The following DPP10 variants were observed in gnomAD, a reference collection of about 807,000 sequenced individuals.
DPP10 encodes inactive dipeptidyl peptidase 10.
Under a neutral mutation model 120.9 loss-of-function variants are expected in DPP10, and 33 were observed. The observed-to-expected ratio is 0.27, with a 90% confidence interval of 0.21 to 0.37. The LOEUF (loss-of-function observed/expected upper bound fraction) is 0.37, where lower values mean the gene tolerates loss of function less well. Among genes scored for constraint, DPP10 ranks in the 10% least tolerant of loss-of-function variants. DPP10 has a pLI of 1.00. For synonymous variants in DPP10, 337 were observed against 326.1 expected (o/e 1.03, Z -0.36); for missense variants, 816 against 942.8 (o/e 0.87, Z 1.76).
chr2:115,485,679 G>A (rs1376634599), intron 3 of DPP10, among the ~76,000 whole-genome samples: 1 of 152,026 alleles, frequency 6.6e-6, no homozygotes, highest in Non-Finnish European at 1.5e-5. Flanking sequence ...TAAAGGTAAA[G>A]TTATGTCATT....
At position 114,649,999 on chromosome 2, in the gene DPP10, A is replaced by G. The variant is rs75186213; in HGVS notation, c.60+207161A>G. 6.2e-3 allele frequency among the ~76,000 whole-genome samples: 939 copies of G among 152,162 alleles called. 6 individuals carry two copies. Among genetic ancestry groups the G allele is most frequent in the African/African-American group, 0.022 (902 of 41,486 alleles). ...TAACTAGGAGAACAAGTTTTGCCTT[A>G]TTGCACTATTTTTTCAAAATATTAT... On this transcript the variant is annotated intron_variant, in intron 1 of 25. Coordinates refer to ENST00000410059, the MANE Select transcript of DPP10 (RefSeq NM_020868.6).
intron 1 of DPP10, among the ~76,000 whole-genome samples, chr2:115,170,139 G>T (rs913516811): frequency 3.3e-5 from 5 of 152,126 alleles, no homozygotes; most frequent in African/African-American, 1.2e-4. Flanking sequence ...TGGAACATGG[G>T]TTTACTTTTG....
At chr2:115,449,879 A>C (rs2104955867) in intron 3 of DPP10, among the ~76,000 whole-genome samples, 1 of 152,156 alleles carries the variant, frequency 6.6e-6, no homozygotes, top group South Asian at 2.1e-4. Flanking sequence ...GTATAGTAAA[A>C]ATTGTGATTA....
intron 1 of DPP10, among the ~76,000 whole-genome samples, chr2:114,735,309 C>T (rs1263889767): frequency 6.6e-6 from 1 of 152,130 alleles, no homozygotes; most frequent in East Asian, 1.9e-4. Flanking sequence ...AGTCTGATAA[C>T]ATTTCCAAGC....
chr2:115,086,240 T>G (rs1157769402), intron 1 of DPP10, among the ~76,000 whole-genome samples: 1 of 152,196 alleles, frequency 6.6e-6, no homozygotes, highest in Non-Finnish European at 1.5e-5. Context: ...TGTCTCTAAC[T>G]GCAGCCACTA....
chr2:114,788,206 T>C (rs1682926410), intron 1 of DPP10, among the ~76,000 whole-genome samples: 1 of 152,180 alleles, frequency 6.6e-6, no homozygotes, highest in African/African-American at 2.4e-5. Context: ...TCATAGATAA[T>C]CAAATACTTG....
At chr2:115,527,528 G>A (rs1330672268) in intron 5 of DPP10, among the ~76,000 whole-genome samples, 1 of 152,132 alleles carries the variant, frequency 6.6e-6, no homozygotes, top group East Asian at 1.9e-4. Flanking sequence ...ATAAACTATT[G>A]TTCCATGATA....
intron 1 of DPP10, among the ~76,000 whole-genome samples, chr2:114,692,099 T>C (rs899277090): frequency 6.6e-6 from 1 of 152,096 alleles, no homozygotes; most frequent in African/African-American, 2.4e-5. Flanking sequence ...TCTGCTTTGA[T>C]CTTGGTTATT....
rs1200213767 is a variant in DPP10 at position 115,198,935 on chromosome 2, G to T, written c.61-110304G>T. On this transcript the variant is annotated intron_variant, in intron 1 of 25. Transcript: ENST00000410059. ...TCCTTACCTTTTCTTCTAATTCTTTGCCATGCTTGAAACATTAAATGGAAC... is the reference window on the plus strand; with the variant it reads ...TCCTTACCTTTTCTTCTAATTCTTTTCCATGCTTGAAACATTAAATGGAAC... Among the ~76,000 whole-genome samples the T allele has an allele frequency of 5.9e-5, 9 of 152,164 alleles. No homozygotes were observed. In the South Asian group the frequency reaches 8.3e-4, roughly 14 times the overall value.
intron 1 of DPP10, among the ~76,000 whole-genome samples, chr2:114,585,409 T>G (rs1280683521): frequency 2.0e-5 from 3 of 152,198 alleles, no homozygotes; most frequent in African/African-American, 2.4e-5. Flanking sequence ...GAAGGGCTCA[T>G]GTGATTAGTC....
chr2:114,900,138 A>G (rs1693427593), intron 1 of DPP10, among the ~76,000 whole-genome samples: 1 of 152,200 alleles, frequency 6.6e-6, no homozygotes, highest in African/African-American at 2.4e-5. Flanking sequence ...TGCCATTAAC[A>G]TTTTTGTGAT....
At chr2:115,560,566 C>G (rs780675340) in intron 5 of DPP10, among the ~76,000 whole-genome samples, 15 of 148,592 alleles carry the variant, frequency 1.0e-4, no homozygotes, top group South Asian at 4.3e-4. Context: ...CTATTCCCCC[C>G]ACCCCCGACC....
At chr2:115,634,332 C>A (rs904736777) in intron 5 of DPP10, among the ~76,000 whole-genome samples, 2 of 152,194 alleles carry the variant, frequency 1.3e-5, no homozygotes, top group African/African-American at 4.8e-5. Flanking sequence ...TTCTCATCTT[C>A]AGGAGTTTAT....
intron 1 of DPP10, among the ~76,000 whole-genome samples, chr2:114,500,430 A>G (rs1245726197): frequency 6.6e-6 from 1 of 152,210 alleles, no homozygotes; most frequent in East Asian, 1.9e-4. Context: ...ACTTAATTAT[A>G]TTAGGGTTAA....
chr2:115,815,739 A>G lies in DPP10; in HGVS notation c.1950+10A>G. The G allele has an allele frequency of 6.3e-7, 1 of 1,591,314 alleles. No individual in the cohort carries two copies. ...AAGCATTTTTGGAAAGGTAAATAGT[A>G]GAAATGCTGAATCTATCTTTTTATG... On this transcript the variant is annotated intron_variant, in intron 21 of 25. Transcript: ENST00000410059.
intron 3 of DPP10, among the ~76,000 whole-genome samples, chr2:115,425,191 A>G (rs1320741676): frequency 6.6e-6 from 1 of 152,182 alleles, no homozygotes; most frequent in Non-Finnish European, 1.5e-5. Context: ...ACTGTTTTCC[A>G]GAGAGGAGTT....
chr2:114,934,830 G>T (rs1235121310), intron 1 of DPP10, among the ~76,000 whole-genome samples: 4 of 152,118 alleles, frequency 2.6e-5, no homozygotes, highest in Admixed American at 1.3e-4. Flanking sequence ...GGCTAGAATA[G>T]AAAGTAGTAT....
At chr2:114,863,047 TGTG>T (rs1001133211) in intron 1 of DPP10, among the ~76,000 whole-genome samples, 2 of 151,784 alleles carry the variant, frequency 1.3e-5, no homozygotes, top group Non-Finnish European at 2.9e-5. Context: ...AGGGAAAAAG[TGTG>T]TGTGTGTGTG....
intron 1 of DPP10, chr2:115,161,960 A>G: frequency 7.0e-7 from 1 of 1,433,328 alleles, no homozygotes; most frequent in Non-Finnish European, 9.1e-7. Context: ...GCCGGCGATG[A>G]CGGCCGCGAA....
Sources: allele counts gnomAD v4.1 joint callset (sites outside exome capture counted in the v4.1 genomes callset), GRCh38; gene constraint gnomAD v4.1.1; transcripts MANE v1.5; gene names NCBI Gene and HGNC (gene_info 2026-07-23, HGNC 2026-07-21).